Variants in SARDH observed in about 807,000 individuals in gnomAD.
SARDH encodes sarcosine dehydrogenase, mitochondrial.
Under a neutral mutation model 109.1 loss-of-function variants are expected in SARDH, and 95 were observed. The ratio of observed to expected loss-of-function variants is 0.87; its 90% CI spans 0.74 to 1.03. SARDH has a LOEUF of 1.03. Ranked by LOEUF, SARDH falls within the 50% of genes least tolerant of loss-of-function variation. The pLI, the probability that SARDH is intolerant of heterozygous loss-of-function variation, is 0.00. For synonymous variants in SARDH, 572 were observed against 534.8 expected (o/e 1.07, Z -0.96); for missense variants, 1,267 against 1,287.8 (o/e 0.98, Z 0.25).
intron 10 of SARDH, among the ~76,000 whole-genome samples, chr9:133,710,726 C>T (rs1831887063): frequency 6.6e-6 from 1 of 152,268 alleles, no homozygotes; most frequent in Non-Finnish European, 1.5e-5. Context: ...GGCGCAGGCC[C>T]GAGGTGGCAG....
chr9:133,723,129 AAAG>A (rs1169870568), intron 6 of SARDH, among the ~76,000 whole-genome samples: 4 of 152,248 alleles, frequency 2.6e-5, no homozygotes, highest in African/African-American at 9.6e-5. Context: ...GAAAGAAATT[AAAG>A]AAGACCTAAA....
chr9:133,681,339 A>G (rs1365609834), intron 17 of SARDH, among the ~76,000 whole-genome samples: 1 of 152,164 alleles, frequency 6.6e-6, no homozygotes, highest in Non-Finnish European at 1.5e-5. Context: ...CAAGAGGTCG[A>G]GACACTCGGG....
chr9:133,721,975 G>A lies in SARDH; in HGVS notation c.916-2933C>T, dbSNP rs148962840. On this transcript the variant is annotated intron_variant, in intron 6 of 20. Transcript: ENST00000439388. ...TACTAAAAATACAAAAATCAGCTGG[G>A]TGTCGTGGCACATGCCTGTAATCCC... Among the ~76,000 whole-genome samples, 147 of 152,174 alleles carry A rather than the reference G, an allele frequency of 9.7e-4. 1 individual carries two copies. The highest frequency in any genetic ancestry group is 3.3e-3 in the African/African-American group (139 of 41,508).
At chr9:133,723,064 C>T (rs1832380246) in intron 6 of SARDH, among the ~76,000 whole-genome samples, 1 of 152,046 alleles carries the variant, frequency 6.6e-6, no homozygotes, top group African/African-American at 2.4e-5. Context: ...TGCTTAGGAA[C>T]AAATTTGACA....
intron 19 of SARDH, among the ~76,000 whole-genome samples, chr9:133,669,829 G>A (rs958239715): frequency 4.1e-4 from 62 of 152,216 alleles, no homozygotes; most frequent in African/African-American, 1.4e-3. Context: ...CGGGATGGGA[G>A]GTCGTGTTGC....
chr9:133,673,172 G>A (rs184726441), intron 17 of SARDH, among the ~76,000 whole-genome samples: 1 of 152,362 alleles, frequency 6.6e-6, no homozygotes, highest in Non-Finnish European at 1.5e-5. Context: ...TCGGCTGCGT[G>A]GAGGCCACAG....
chr9:133,734,404 T>C (rs565529827), intron 1 of SARDH, among the ~76,000 whole-genome samples: 57 of 77,462 alleles, frequency 7.4e-4, no homozygotes, highest in African/African-American at 2.9e-3. Flanking sequence ...CACTCATTCA[T>C]TCACTCATTC....
Position 133,731,314 on chromosome 9 carries a change from T to G in SARDH, c.681A>C (p.Arg227=), listed in dbSNP as rs767766459. The change falls in exon 4 of 21, where the codon CGA becomes CGC. Residue 227 remains arginine (R), a synonymous_variant. Coordinates refer to ENST00000439388, the MANE Select transcript of SARDH (RefSeq NM_001134707.2). ...AGGCGGCCATCAGTACCTGTGCTCCTCGGGCAGAAGCTGCCCTGGCGAGGG... is the reference window on the plus strand; with the variant it reads ...AGGCGGCCATCAGTACCTGTGCTCCGCGGGCAGAAGCTGCCCTGGCGAGGG... The part of the protein sequence containing the change: ...CTTLARAASA[R]GAQVIENCPV... 39 of 1,614,080 alleles carry G rather than the reference T, an allele frequency of 2.4e-5. No individual in the cohort carries two copies. Among genetic ancestry groups the G allele is most frequent in the Non-Finnish European group, 3.2e-5 (38 of 1,179,986 alleles).
At chr9:133,681,973 G>A (rs184998530) in intron 17 of SARDH, among the ~76,000 whole-genome samples, 296 of 143,176 alleles carry the variant, frequency 2.1e-3, no homozygotes, top group Non-Finnish European at 3.1e-3. Context: ...CTCCCACTCC[G>A]CCTGAGACCT....
intron 6 of SARDH, among the ~76,000 whole-genome samples, chr9:133,720,645 A>C (rs1472738324): frequency 2.2e-5 from 3 of 136,680 alleles, no homozygotes; most frequent in South Asian, 4.8e-4. Flanking sequence ...TGGCAGCAGG[A>C]AAGAGAGAGA....
chr9:133,676,708 C>T (rs920333089), intron 17 of SARDH, among the ~76,000 whole-genome samples: 5 of 152,056 alleles, frequency 3.3e-5, no homozygotes, highest in Admixed American at 1.3e-4. Flanking sequence ...CCAGAGAGAC[C>T]GGGGGGAAAG....
intron 1 of SARDH, among the ~76,000 whole-genome samples, chr9:133,736,683 A>G (rs1012876727): frequency 3.3e-5 from 5 of 152,238 alleles, no homozygotes; most frequent in Admixed American, 6.5e-5. Flanking sequence ...GGCATGAGCC[A>G]CTGTGCCCAG....
At chr9:133,708,704 C>T (rs945649847) in intron 10 of SARDH, among the ~76,000 whole-genome samples, 2 of 152,130 alleles carry the variant, frequency 1.3e-5, no homozygotes, top group African/African-American at 2.4e-5. Flanking sequence ...CATGGGACTC[C>T]AGCCTCGCTC....
rs1232579905 is a variant in SARDH, at chr9:133,704,898, G to A, written c.1554+50C>T. On this transcript the variant is annotated intron_variant, in intron 12 of 20. Coordinates refer to ENST00000439388, the MANE Select transcript of SARDH (RefSeq NM_001134707.2). This position sits in a 1 kb window ranked among gnomAD's most constrained non-coding sequence, Gnocchi z 4.5. ...ACGGGGCACGTGGAGGGGCAAGGGG[G>A]TTGTCAGGGCAGGGCCTCCCAGCAG... The A allele has an allele frequency of 4.0e-6, 6 of 1,498,640 alleles. No homozygotes were observed. The highest frequency in any genetic ancestry group is 5.5e-6 in the Non-Finnish European group (6 of 1,099,474). 92.8% of individuals were successfully genotyped at this position (1,498,640 alleles called of 1,614,324 possible).
chr9:133,673,435 G>A (rs1830417214), intron 17 of SARDH, among the ~76,000 whole-genome samples: 1 of 152,250 alleles, frequency 6.6e-6, no homozygotes, highest in Admixed American at 6.5e-5. Flanking sequence ...TGCTCTGAGT[G>A]GAAAGGCCCT....
At position 133,663,827 on chromosome 9, in the gene SARDH, G is replaced by C; in HGVS notation, c.*62C>G. The stretch of plus-strand genomic sequence containing the variant: ...GCTGGGTCCAGGGTCCTGGGACCCA[G>C]GGCCATTTGGGACCTGTGAGAATGG... On this transcript the variant is annotated 3_prime_UTR_variant, in exon 21 of 21. Coordinates refer to ENST00000439388, the MANE Select transcript of SARDH (RefSeq NM_001134707.2). The C allele has an allele frequency of 1.2e-6, 2 of 1,602,844 alleles. No individual in the cohort carries two copies. The highest frequency in any genetic ancestry group is 2.2e-5 in the South Asian group (2 of 89,076).
intron 1 of SARDH, among the ~76,000 whole-genome samples, chr9:133,736,520 C>T (rs983008350): frequency 1.1e-4 from 17 of 152,262 alleles, no homozygotes; most frequent in Admixed American, 3.3e-4. Context: ...CTCAGCCTCT[C>T]GAGTAGCTGG....
chr9:133,692,986 A>G lies in SARDH; in HGVS notation c.1921+1272T>C, dbSNP rs1175618458. Among the ~76,000 whole-genome samples the G allele has an allele frequency of 6.6e-6, 1 of 151,960 alleles. No homozygotes were observed. Among genetic ancestry groups the G allele is most frequent in the African/African-American group, 2.4e-5 (1 of 41,368 alleles). Reference sequence around the variant, plus strand: ...CTCACTACTCCCTGCTTTTGGCAGAACCGCAGAGGCCCAGGAGCCCCTGCC... The same window carrying G: ...CTCACTACTCCCTGCTTTTGGCAGAGCCGCAGAGGCCCAGGAGCCCCTGCC... On this transcript the variant is annotated intron_variant, in intron 15 of 20. Coordinates refer to ENST00000439388, the MANE Select transcript of SARDH (RefSeq NM_001134707.2). The surrounding 1 kb of genome is among the most constrained non-coding windows in gnomAD (Gnocchi z 5.0).
chr9:133,682,888 T>C (rs1412611255), intron 17 of SARDH, among the ~76,000 whole-genome samples: 1 of 147,506 alleles, frequency 6.8e-6, no homozygotes, highest in African/African-American at 2.6e-5. Flanking sequence ...ACTCAGCCCC[T>C]GTGCTGAAAC....
Sources: gnomAD v4.1 joint callset for allele counts (sites outside exome capture counted in the v4.1 genomes callset) on GRCh38, gnomAD v4.1.1 for gene constraint, Gnocchi (gnomAD v3.1) non-coding constraint, MANE v1.5 for transcripts, NCBI Gene and HGNC (gene_info 2026-07-23, HGNC 2026-07-21) for gene names.